RNF168: variants seen among roughly 807,000 people sequenced by gnomAD.
The protein encoded by RNF168 is ring finger protein 168, also known as E3 ubiquitin-protein ligase RNF168.
Under a neutral mutation model 34.9 loss-of-function variants are expected in RNF168, and 34 were observed. That is an observed-to-expected ratio of 0.97 (90% CI 0.74 to 1.30). The LOEUF is 1.30. Among genes scored for constraint, RNF168 ranks in the 50% most tolerant of loss-of-function variants. The pLI is 0.00. For synonymous variants in RNF168, 264 were observed against 254.7 expected (o/e 1.04, Z -0.35); for missense variants, 725 against 682.5 (o/e 1.06, Z -0.69).
chr3:196,485,847 T>C (rs1732410222), intron 3 of RNF168, among the ~76,000 whole-genome samples: 1 of 152,234 alleles, frequency 6.6e-6, no homozygotes, highest in African/African-American at 2.4e-5. Flanking sequence ...TATTCGTTGT[T>C]TGAAAGCTGA....
Position 196,469,146 on chromosome 3 carries a change from G to A in RNF168, c.*2673C>T, listed in dbSNP as rs1381331554. ...ATTCCAGGAAGATTAAATAGATAAC[G>A]TTTAATTTGAGGCATTCAAGAATGT... On this transcript the variant is annotated 3_prime_UTR_variant, in exon 6 of 6. Coordinates refer to ENST00000318037, the MANE Select transcript of RNF168 (RefSeq NM_152617.4). The A allele has an allele frequency of 5.3e-5, 8 of 152,060 alleles. No homozygotes were observed. Among genetic ancestry groups the A allele is most frequent in the Non-Finnish European group, 1.0e-4 (7 of 68,022 alleles). The allele number at this position is 152,060 out of a possible 1,614,324, so 9.4% of individuals were successfully genotyped here.
Position 196,472,535 on chromosome 3 carries a change from T to C in RNF168, c.1000A>G (p.Lys334Glu). 2 of 1,614,208 alleles carry C rather than the reference T, an allele frequency of 1.2e-6. No homozygotes were observed. The highest frequency in any genetic ancestry group is 2.2e-5 in the South Asian group (2 of 91,080). ...TCTTTCGAGTAGGGAACTCTGGTTT[T>C]AGGTCGCTCGTGACTTAAGACACAT... The part of the protein sequence containing the change: ...ELCVLSHERP[K>E]TRVPYSKETA... Residue 334 changes from lysine (K) to glutamate (E), a missense_variant, in exon 6 of 6, where the codon AAA (lysine) becomes GAA (glutamate). Physicochemically the swap from Lys to Glu is moderately conservative, Grantham distance 56. Transcript: ENST00000318037.
intron 1 of RNF168, among the ~76,000 whole-genome samples, chr3:196,499,944 C>A (rs921363659): frequency 6.6e-6 from 1 of 152,150 alleles, no homozygotes; most frequent in Non-Finnish European, 1.5e-5. Context: ...CAAATAAAAA[C>A]CACAATGGGA....
chr3:196,499,157 A>G (rs1732820292), intron 1 of RNF168, among the ~76,000 whole-genome samples: 1 of 152,070 alleles, frequency 6.6e-6, no homozygotes, highest in African/African-American at 2.4e-5. Flanking sequence ...AATCCAATAT[A>G]ACTAGTGTCC....
At chr3:196,480,778 G>A (rs1732267309) in intron 4 of RNF168, among the ~76,000 whole-genome samples, 1 of 152,084 alleles carries the variant, frequency 6.6e-6, no homozygotes, top group Non-Finnish European at 1.5e-5. Flanking sequence ...GAGCAGCTGG[G>A]ACTACAGGTG....
chr3:196,474,989 T>C (rs190827672), intron 5 of RNF168: 2 of 477,970 alleles, frequency 4.2e-6, no homozygotes, highest in Non-Finnish European at 3.8e-6. Flanking sequence ...TCACACTAAC[T>C]GCAAAGGCGA....
At chr3:196,492,265 G>A (rs1732614288) in intron 1 of RNF168, among the ~76,000 whole-genome samples, 1 of 152,218 alleles carries the variant, frequency 6.6e-6, no homozygotes, top group Non-Finnish European at 1.5e-5. Flanking sequence ...TTGGAAGGCT[G>A]AGGCAGGAGG....
chr3:196,487,982 A>G (rs552237494), intron 2 of RNF168, among the ~76,000 whole-genome samples: 72 of 152,296 alleles, frequency 4.7e-4, no homozygotes, highest in African/African-American at 1.6e-3. Flanking sequence ...TTCCTCATCT[A>G]AACTCACACT....
intron 3 of RNF168, among the ~76,000 whole-genome samples, chr3:196,486,855 G>A (rs989509304): frequency 6.6e-6 from 1 of 152,208 alleles, no homozygotes; most frequent in African/African-American, 2.4e-5. Flanking sequence ...GACGGCTTGA[G>A]CCCAGGAGCT....
chr3:196,477,397 A>G (rs1344325711), intron 4 of RNF168, among the ~76,000 whole-genome samples: 1 of 152,260 alleles, frequency 6.6e-6, no homozygotes, highest in Non-Finnish European at 1.5e-5. Context: ...TAGCATATGG[A>G]ACAATCAAAC....
rs539527110 is a variant in RNF168, at chr3:196,499,545, G to A, written c.301+3328C>T. Among the ~76,000 whole-genome samples the A allele has an allele frequency of 5.3e-5, 8 of 152,228 alleles. No homozygotes were observed. In the East Asian group the frequency reaches 5.8e-4, roughly 11 times the overall value. ...TGGTGGATAAAAACTAAAACAGCCC[G>A]GACGCGGTGGCTCACGCTTGTAATC... On this transcript the variant is annotated intron_variant, in intron 1 of 5. Coordinates refer to ENST00000318037, the MANE Select transcript of RNF168 (RefSeq NM_152617.4).
At chr3:196,497,359 G>C (rs1732767817) in intron 1 of RNF168, among the ~76,000 whole-genome samples, 2 of 152,148 alleles carry the variant, frequency 1.3e-5, no homozygotes, top group Middle Eastern at 3.4e-3. Flanking sequence ...ATTTGAAATG[G>C]ATCAAAGACC....
intron 4 of RNF168, among the ~76,000 whole-genome samples, chr3:196,482,928 G>T (rs919453415): frequency 7.3e-5 from 11 of 151,694 alleles, no homozygotes; most frequent in African/African-American, 9.7e-5. Flanking sequence ...TGTATCTCTG[G>T]TAATTTTTTA....
At chr3:196,490,305 T>C (rs995826842) in intron 1 of RNF168, among the ~76,000 whole-genome samples, 1 of 151,402 alleles carries the variant, frequency 6.6e-6, no homozygotes, top group Non-Finnish European at 1.5e-5. Context: ...CAAGACACTG[T>C]TTTATAAAGT....
intron 1 of RNF168, among the ~76,000 whole-genome samples, chr3:196,499,778 T>C (rs1474927157): frequency 6.6e-6 from 1 of 152,144 alleles, no homozygotes; most frequent in Admixed American, 6.5e-5. Flanking sequence ...ACAGGCAAAG[T>C]TGTGGCTTTT....
chr3:196,484,286 C>T (rs1369908326), intron 3 of RNF168, among the ~76,000 whole-genome samples: 5 of 150,794 alleles, frequency 3.3e-5, no homozygotes, highest in Admixed American at 1.3e-4. Context: ...ATTCTCCTGC[C>T]TCAGCCTCCT....
intron 1 of RNF168, among the ~76,000 whole-genome samples, chr3:196,502,054 G>GAAAAAAAAAAAAAAAA (rs554041803): frequency 1.2e-4 from 6 of 50,054 alleles, no homozygotes; most frequent in Non-Finnish European, 1.5e-4. Flanking sequence ...AAAAAAATTA[G>GAAAAAAAAAAAAAAAA]AAAAAAAAAA....
Position 196,488,602 on chromosome 3 carries a change from C to T in RNF168, c.378+5G>A, listed in dbSNP as rs773872938. On this transcript the variant is annotated splice_donor_5th_base_variant and intron_variant, in intron 2 of 5. Transcript: ENST00000318037. ...TTCCAAAAAAAAAAACTATTTAGCA[C>T]CTACCTTGCTTATTTCCTCTTCATA... is the stretch of plus-strand genomic sequence containing the variant. The T allele has an allele frequency of 1.1e-5, 17 of 1,561,806 alleles. No homozygotes were observed. The highest frequency in any genetic ancestry group is 2.2e-5 in the East Asian group (1 of 44,524).
At chr3:196,483,602 G>A (rs945635343) in intron 4 of RNF168, among the ~76,000 whole-genome samples, 168 bp downstream of exon 4, 14 of 152,220 alleles carry the variant, frequency 9.2e-5, no homozygotes, top group African/African-American at 3.1e-4. Context: ...GAGAAGCCAA[G>A]AGGAAGCTGT....
Sources: gnomAD v4.1 joint callset for allele counts (sites outside exome capture counted in the v4.1 genomes callset) on GRCh38, gnomAD v4.1.1 for gene constraint, MANE v1.5 for transcripts, NCBI Gene and HGNC (gene_info 2026-07-23, HGNC 2026-07-21) for gene names.